Variants in PEPD observed in about 807,000 individuals in gnomAD.
PEPD encodes xaa-Pro dipeptidase.
A neutral mutation model predicts 60.7 loss-of-function variants in PEPD; 53 were observed. The observed-to-expected ratio is 0.87, with a 90% CI of 0.70 to 1.10. The LOEUF is 1.10. Among genes scored for constraint, PEPD ranks in the 50% least tolerant of loss-of-function variants. The pLI is 0.00. For missense variants in PEPD, 711 were observed against 711.9 expected (o/e 1.00, Z 0.01); for synonymous variants, 267 against 284.1 (o/e 0.94, Z 0.60).
intron 9 of PEPD, among the ~76,000 whole-genome samples, chr19:33,424,227 G>T (rs961358663): frequency 6.6e-6 from 1 of 152,312 alleles, no homozygotes; most frequent in Non-Finnish European, 1.5e-5. Flanking sequence ...CAGGAAGAAG[G>T]ACAGGACACC....
At chr19:33,473,569 G>A (rs6510387) in intron 7 of PEPD, among the ~76,000 whole-genome samples, 6,773 of 152,234 alleles carry the variant, frequency 0.044, 511 homozygotes, top group African/African-American at 0.15. Flanking sequence ...GAAGGCACAC[G>A]GCAATTGCTG....
intron 9 of PEPD, among the ~76,000 whole-genome samples, chr19:33,449,037 A>AC (rs780285556): frequency 7.2e-5 from 11 of 152,178 alleles, no homozygotes; most frequent in Non-Finnish European, 1.5e-4. Context: ...CAAGACCCTG[A>AC]CGGGACAGAG....
chr19:33,427,989 T>C (rs1969186834), intron 9 of PEPD, among the ~76,000 whole-genome samples: 1 of 152,082 alleles, frequency 6.6e-6, no homozygotes, highest in African/African-American at 2.4e-5. Flanking sequence ...AATCTGATCA[T>C]GGCAAAGCAC....
At chr19:33,424,849 A>C (rs1467491783) in intron 9 of PEPD, among the ~76,000 whole-genome samples, 1 of 152,200 alleles carries the variant, frequency 6.6e-6, no homozygotes, top group Non-Finnish European at 1.5e-5. Flanking sequence ...AATGCGAACC[A>C]GTGGAAGGGG....
chr19:33,470,633 A>T lies in PEPD; in HGVS notation c.549-6571T>A, dbSNP rs553623124. ...CTGAAAGGCCATATATAGTCCTGGA[A>T]GACAGGGTCCCAGCACCGGCACAGA... On this transcript the variant is annotated intron_variant, in intron 7 of 14. Coordinates refer to ENST00000244137, the MANE Select transcript of PEPD (RefSeq NM_000285.4). Among the ~76,000 whole-genome samples, 3 of 152,330 alleles carry T rather than the reference A, an allele frequency of 2.0e-5. No individual in the cohort carries two copies. In the South Asian group the frequency reaches 6.2e-4, roughly 32 times the overall value.
chr19:33,387,980 G>A lies in PEPD; in HGVS notation c.1254C>T (p.Ile418=), dbSNP rs770965101. 2.0e-5 allele frequency: 32 copies of A among 1,591,022 alleles called. No individual in the cohort carries two copies. The highest frequency in any genetic ancestry group is 1.7e-4 in the Middle Eastern group (1 of 6,056). The change falls in exon 14 of 15, where the codon ATC becomes ATT. Residue 418 remains isoleucine (I), a synonymous_variant. Transcript: ENST00000244137. ...VLTVEPGIYF[I]DHLLDEALAD... ...CCAGGGCCTCATCCAGGAGGTGGTC[G>A]ATGAAGTAGATGCCCGGCTCCACGG... is the stretch of plus-strand genomic sequence containing the variant.
chr19:33,505,865 C>T (rs915999092), intron 3 of PEPD, among the ~76,000 whole-genome samples: 2 of 132,968 alleles, frequency 1.5e-5, no homozygotes, highest in Non-Finnish European at 3.5e-5. Flanking sequence ...ACACCCACCA[C>T]ACCCCATCAC....
At chr19:33,467,156 CA>C (rs72043066) in intron 7 of PEPD, among the ~76,000 whole-genome samples, 10,525 of 123,554 alleles carry the variant, frequency 0.085, 428 homozygotes, top group Non-Finnish European at 0.12. Flanking sequence ...GACTCCGTCT[CA>C]AAAAAAAAAA....
intron 9 of PEPD, among the ~76,000 whole-genome samples, chr19:33,444,615 C>CCCA (rs1285228110): frequency 6.6e-6 from 1 of 150,784 alleles, no homozygotes; most frequent in Non-Finnish European, 1.5e-5. Flanking sequence ...CCCCCTCCCT[C>CCCA]CCATGGCCAA....
chr19:33,447,352 A>G (rs907229879), intron 9 of PEPD, among the ~76,000 whole-genome samples: 2 of 152,200 alleles, frequency 1.3e-5, no homozygotes, highest in African/African-American at 4.8e-5. Flanking sequence ...GGCTTTTCTA[A>G]CAAGAGGGTG....
At chr19:33,428,580 G>C (rs10417411) in intron 9 of PEPD, among the ~76,000 whole-genome samples, 97,806 of 152,102 alleles carry the variant, frequency 0.64, 31,780 homozygotes, top group African/African-American at 0.72. Context: ...AACCACCGTG[G>C]GCCAGGCTGA....
intron 6 of PEPD, among the ~76,000 whole-genome samples, chr19:33,480,811 A>AGT (rs1970299904): frequency 9.5e-6 from 1 of 105,136 alleles, no homozygotes; most frequent in Non-Finnish European, 2.0e-5. Context: ...ATATATATAT[A>AGT]GCGTGTGTGT....
intron 9 of PEPD, among the ~76,000 whole-genome samples, chr19:33,423,095 T>TCCATCCATC (rs1969065849): frequency 6.8e-6 from 1 of 147,328 alleles, no homozygotes; most frequent in Non-Finnish European, 1.5e-5. Flanking sequence ...TACCTACTTA[T>TCCATCCATC]CATCCATCCA....
intron 9 of PEPD, among the ~76,000 whole-genome samples, chr19:33,462,462 G>A (rs1429356196): frequency 1.3e-5 from 2 of 152,220 alleles, no homozygotes; most frequent in African/African-American, 4.8e-5. Flanking sequence ...TCCTGGAGCG[G>A]GGCTGAGCTG....
chr19:33,478,956 T>C (rs141621947), intron 6 of PEPD, among the ~76,000 whole-genome samples: 207 of 152,344 alleles, frequency 1.4e-3, no homozygotes, highest in African/African-American at 4.8e-3. Flanking sequence ...TTGTAACTCC[T>C]TTTCTCTCCT....
intron 9 of PEPD, among the ~76,000 whole-genome samples, chr19:33,414,874 TCAGGAGCTGC>T (rs1420689195): frequency 5.9e-5 from 9 of 152,318 alleles, no homozygotes; most frequent in Middle Eastern, 3.4e-3. Flanking sequence ...AGAAAGGATT[TCAGGAGCTGC>T]CAGGGAAGCA....
chr19:33,519,959 C>A (rs1971100281), intron 1 of PEPD, among the ~76,000 whole-genome samples: 1 of 151,820 alleles, frequency 6.6e-6, no homozygotes, highest in South Asian at 2.1e-4. Context: ...TCCAGCTACT[C>A]AGGAGGCTGA....
At chr19:33,414,106 A>T (rs1968838588) in intron 9 of PEPD, among the ~76,000 whole-genome samples, 1 of 152,148 alleles carries the variant, frequency 6.6e-6, no homozygotes, top group East Asian at 1.9e-4. Context: ...GCCTGCGCTC[A>T]CCCGGGGAGA....
chr19:33,461,431 C>G (rs1427252079), intron 9 of PEPD, among the ~76,000 whole-genome samples: 1 of 152,170 alleles, frequency 6.6e-6, no homozygotes, highest in Non-Finnish European at 1.5e-5. Context: ...CAGGGTCGGG[C>G]TCTGGGACGC....
Sources: gnomAD v4.1 joint callset for allele counts (sites outside exome capture counted in the v4.1 genomes callset) on GRCh38, gnomAD v4.1.1 for gene constraint, MANE v1.5 for transcripts, NCBI Gene and HGNC (gene_info 2026-07-23, HGNC 2026-07-21) for gene names.